WDR25: variants seen among roughly 807,000 people sequenced by gnomAD.
WDR25 encodes the protein WD repeat-containing protein 25.
Under a neutral mutation model 47.7 loss-of-function variants are expected in WDR25, and 35 were observed. The observed-to-expected ratio is 0.73, with a 90% confidence interval of 0.56 to 0.97. The LOEUF is 0.97. Among genes scored for constraint, WDR25 ranks in the 50% least tolerant of loss-of-function variants. The pLI, the probability that WDR25 is intolerant of heterozygous loss-of-function variation, is 0.00. For synonymous variants in WDR25, 248 were observed against 278.9 expected (o/e 0.89, Z 1.10); for missense variants, 634 against 704.7 (o/e 0.90, Z 1.14).
intron 4 of WDR25, among the ~76,000 whole-genome samples, chr14:100,520,331 A>G (rs960644282): frequency 2.0e-5 from 3 of 151,954 alleles, no homozygotes; most frequent in Admixed American, 6.6e-5. Flanking sequence ...TATTTTAAAA[A>G]TCTCTTTTAT....
At position 100,500,204 on chromosome 14, in the gene WDR25, G is replaced by A. The variant is rs564748262; in HGVS notation, c.1101+16080G>A. Among the ~76,000 whole-genome samples, 5 of 152,254 alleles carry A rather than the reference G, an allele frequency of 3.3e-5. No homozygotes were observed. The East Asian group carries it at 9.7e-4, about 29-fold the overall frequency. On this transcript the variant is annotated intron_variant, in intron 4 of 6. Transcript: ENST00000402312. This position sits in a 1 kb window ranked among gnomAD's most constrained non-coding sequence, Gnocchi z 4.7. ...TCCTAGTGCATTGTGTGTGCCCCTGGTGTGGACACTGGAGGGGCCCGAGAG... is the reference window on the plus strand; with the variant it reads ...TCCTAGTGCATTGTGTGTGCCCCTGATGTGGACACTGGAGGGGCCCGAGAG...
chr14:100,493,909 G>T (rs529476995), intron 4 of WDR25, among the ~76,000 whole-genome samples: 8 of 152,262 alleles, frequency 5.3e-5, no homozygotes, highest in African/African-American at 1.9e-4. Flanking sequence ...ACCACGTGAG[G>T]ATATGGTGAG....
At chr14:100,455,495 A>G (rs1372673572) in intron 2 of WDR25, 1 of 152,200 alleles carries the variant, frequency 6.6e-6, no homozygotes, top group Non-Finnish European at 1.5e-5. Context: ...TTTTCAATAA[A>G]TAATATCAGG....
chr14:100,518,694 C>G (rs1464433447), intron 4 of WDR25, among the ~76,000 whole-genome samples: 1 of 151,990 alleles, frequency 6.6e-6, no homozygotes, highest in Admixed American at 6.6e-5. Flanking sequence ...AGTTCAAGAC[C>G]AGCCTGGGCA....
At chr14:100,466,088 C>G (rs1184972552) in intron 2 of WDR25, among the ~76,000 whole-genome samples, 2 of 152,180 alleles carry the variant, frequency 1.3e-5, no homozygotes, top group East Asian at 1.9e-4. Context: ...AACAGCAGTT[C>G]CCTGTGCCCC....
chr14:100,471,845 C>G (rs1899848057), intron 3 of WDR25, among the ~76,000 whole-genome samples: 1 of 152,238 alleles, frequency 6.6e-6, no homozygotes, highest in African/African-American at 2.4e-5. Context: ...CATGAATCAA[C>G]ACTTAAATAA....
rs1023144306 is a variant in WDR25 at position 100,392,327 on chromosome 14, A to G, written c.822+10581A>G. ...AACGTCAGCACATCCTAGTTCTGGGATAAGTGAGTGGGTTCTTTTCCAGCC... is the reference window on the plus strand; with the variant it reads ...AACGTCAGCACATCCTAGTTCTGGGGTAAGTGAGTGGGTTCTTTTCCAGCC... On this transcript the variant is annotated intron_variant, in intron 2 of 6. Transcript: ENST00000402312. This position sits in a 1 kb window ranked among gnomAD's most constrained non-coding sequence, Gnocchi z 4.2. Among the ~76,000 whole-genome samples, 1 of 151,724 alleles carries G rather than the reference A, an allele frequency of 6.6e-6. No individual in the cohort carries two copies. The highest frequency in any genetic ancestry group is 2.4e-5 in the African/African-American group (1 of 41,268).
chr14:100,390,424 T>C (rs996628054), intron 2 of WDR25, among the ~76,000 whole-genome samples: 13 of 144,716 alleles, frequency 9.0e-5, no homozygotes, highest in African/African-American at 3.2e-4. Context: ...TGTGTGTGTG[T>C]GTGCATGCAC....
intron 2 of WDR25, among the ~76,000 whole-genome samples, chr14:100,433,604 C>T (rs1337768707): frequency 6.6e-6 from 1 of 152,334 alleles, no homozygotes; most frequent in Admixed American, 6.5e-5. Flanking sequence ...GAGTCAGTCC[C>T]TATGATCACG....
intron 4 of WDR25, among the ~76,000 whole-genome samples, chr14:100,489,542 C>CT (rs1421688342): frequency 6.6e-6 from 1 of 152,104 alleles, no homozygotes; most frequent in Non-Finnish European, 1.5e-5. Flanking sequence ...GGTGAATCAC[C>CT]TTTTTTGCAG....
chr14:100,446,316 AG>A (rs773682846), intron 2 of WDR25, among the ~76,000 whole-genome samples: 21 of 152,178 alleles, frequency 1.4e-4, no homozygotes, highest in Non-Finnish European at 2.5e-4. Context: ...GCACTTTGGG[AG>A]GCCAAGGCAG....
intron 4 of WDR25, among the ~76,000 whole-genome samples, chr14:100,491,031 C>T (rs980274191): frequency 1.3e-5 from 2 of 152,226 alleles, no homozygotes; most frequent in African/African-American, 2.4e-5. Context: ...TTCTTGGCTC[C>T]CATTTCCTCA....
At position 100,529,926 on chromosome 14, in the gene WDR25, G is replaced by A. The variant is rs778864408; in HGVS notation, c.1520G>A (p.Arg507Gln). Reference sequence around the variant, plus strand: ...ATGTACAGCTTCCGCACAGCCAGCCGAGCATGCACACTGCAGGGGCACACA... The same window carrying A: ...ATGTACAGCTTCCGCACAGCCAGCCAAGCATGCACACTGCAGGGGCACACA... Reference protein sequence around the residue: ...VLMYSFRTASRACTLQGHTQA... With the variant: ...VLMYSFRTASQACTLQGHTQA... The change falls in exon 7 of 7, where the codon CGA (arginine) becomes CAA (glutamine). Residue 507 changes from arginine (R) to glutamine (Q), a missense_variant. Coordinates refer to ENST00000402312, the MANE Select transcript of WDR25 (RefSeq NM_001161476.3). This position sits in a 1 kb window ranked among gnomAD's most constrained non-coding sequence, Gnocchi z 5.1. 9 of 1,613,512 alleles carry A rather than the reference G, an allele frequency of 5.6e-6. No individual in the cohort carries two copies. Among genetic ancestry groups the A allele is most frequent in the South Asian group, 3.3e-5 (3 of 91,084 alleles).
At chr14:100,459,953 C>CAT (rs1899347962) in intron 2 of WDR25, among the ~76,000 whole-genome samples, 2 of 131,510 alleles carry the variant, frequency 1.5e-5, no homozygotes, top group African/African-American at 5.5e-5. Flanking sequence ...CATACACATA[C>CAT]ACACACATAT....
intron 4 of WDR25, among the ~76,000 whole-genome samples, chr14:100,512,682 A>G (rs1251398874): frequency 6.6e-6 from 1 of 152,142 alleles, no homozygotes; most frequent in Non-Finnish European, 1.5e-5. Flanking sequence ...CTGAGGTCAT[A>G]GTTTTGAGAC....
intron 2 of WDR25, among the ~76,000 whole-genome samples, chr14:100,450,015 C>T (rs547632983): frequency 2.0e-5 from 3 of 152,246 alleles, no homozygotes; most frequent in African/African-American, 4.8e-5. Context: ...CCTGCTCTCT[C>T]CCCTCTGCGC....
At chr14:100,447,850 C>T (rs1259026732) in intron 2 of WDR25, among the ~76,000 whole-genome samples, 1 of 152,144 alleles carries the variant, frequency 6.6e-6, no homozygotes, top group Non-Finnish European at 1.5e-5. Context: ...GTTCAAGGCC[C>T]CTGCCAAATC....
Position 100,515,021 on chromosome 14 carries a change from A to G in WDR25, c.1102-10849A>G, listed in dbSNP as rs553970561. Among the ~76,000 whole-genome samples, 12 of 152,310 alleles carry G rather than the reference A, an allele frequency of 7.9e-5. No homozygotes were observed. In the East Asian group the frequency reaches 2.3e-3, roughly 29 times the overall value. ...TTTTTTCTCTTCCAGTACTTTAAAC[A>G]TGTCACTCAATTGTCACTAGTTTGC... On this transcript the variant is annotated intron_variant, in intron 4 of 6. Transcript: ENST00000402312.
At chr14:100,444,872 C>T (rs928939493) in intron 2 of WDR25, among the ~76,000 whole-genome samples, 1 of 152,216 alleles carries the variant, frequency 6.6e-6, no homozygotes, top group Non-Finnish European at 1.5e-5. Flanking sequence ...TCTGTGGCAC[C>T]TTCTACTTCG....
Sources: gnomAD v4.1 joint callset for allele counts (sites outside exome capture counted in the v4.1 genomes callset) on GRCh38, gnomAD v4.1.1 for gene constraint, Gnocchi (gnomAD v3.1) non-coding constraint, MANE v1.5 for transcripts, NCBI Gene and HGNC (gene_info 2026-07-23, HGNC 2026-07-21) for gene names.